Variants in OGDH observed in about 807,000 individuals in gnomAD.
OGDH encodes 2-oxoglutarate dehydrogenase complex component E1.
In OGDH, 38 loss-of-function variants were observed where a neutral mutation model predicts 116.6. The ratio of observed to expected loss-of-function variants is 0.33; its 90% CI spans 0.25 to 0.43. The LOEUF (loss-of-function observed/expected upper bound fraction) is 0.43. OGDH is among the 20% of genes least tolerant of loss of function. OGDH has a pLI of 1.00. For missense variants in OGDH, 825 were observed against 1,357.2 expected (o/e 0.61, Z 6.16); for synonymous variants, 488 against 533.3 (o/e 0.92, Z 1.17).
At chr7:44,645,552 G>A (rs1287526421) in intron 3 of OGDH, 34 bp downstream of exon 3, 1 of 1,604,394 alleles carries the variant, frequency 6.2e-7, no homozygotes, top group Non-Finnish European at 8.5e-7. Flanking sequence ...CACGGGAAAG[G>A]GTGCAGTGTT....
At chr7:44,650,964 C>G (rs1356187930) in intron 4 of OGDH, among the ~76,000 whole-genome samples, 1 of 152,238 alleles carries the variant, frequency 6.6e-6, no homozygotes, top group Non-Finnish European at 1.5e-5. Flanking sequence ...TTCTCCCTCT[C>G]CTTGGGGAAA....
intron 2 of OGDH, among the ~76,000 whole-genome samples, chr7:44,638,551 G>A (rs530073591): frequency 6.6e-6 from 1 of 152,300 alleles, no homozygotes; most frequent in East Asian, 1.9e-4. Context: ...AGAAGTCACT[G>A]CCCCTGCCTA....
intron 3 of OGDH, among the ~76,000 whole-genome samples, chr7:44,646,406 C>A (rs1786183026): frequency 6.6e-6 from 1 of 152,230 alleles, no homozygotes; most frequent in African/African-American, 2.4e-5. Context: ...TAGGGGAGGT[C>A]CTGGGTCTCT....
Position 44,707,921 on chromosome 7 carries a change from CAAG to C in OGDH, c.2999_3001del (p.Lys1000del). On this transcript the variant is annotated inframe_deletion, in exon 23 of 23. Coordinates refer to ENST00000222673, the MANE Select transcript of OGDH (RefSeq NM_002541.4). This position sits in a 1 kb window ranked among gnomAD's most constrained non-coding sequence, Gnocchi z 5.2. The stretch of plus-strand genomic sequence containing the variant: ...CAGCGGCTGCTCCAGCCACCGGCAA[CAAG>C]AAGACCCACCTGACGGAGCTGCAGC... 1 of 1,613,916 alleles carries C rather than the reference CAAG, an allele frequency of 6.2e-7. No homozygotes were observed. The highest frequency in any genetic ancestry group is 8.5e-7 in the Non-Finnish European group (1 of 1,180,020).
intron 9 of OGDH, among the ~76,000 whole-genome samples, chr7:44,677,010 G>A (rs545374879): frequency 4.6e-5 from 7 of 152,284 alleles, no homozygotes; most frequent in African/African-American, 1.4e-4. Flanking sequence ...ATGTGACTGA[G>A]TGTTGGGGGT....
chr7:44,611,305 G>GGCTGGAGT (rs1414426096), intron 1 of OGDH, among the ~76,000 whole-genome samples: 10 of 151,880 alleles, frequency 6.6e-5, no homozygotes, highest in Admixed American at 2.6e-4. Context: ...CTGTCGCCCA[G>GGCTGGAGT]GCTGGAGTGC....
chr7:44,609,981 A>G (rs1784500202), intron 1 of OGDH, among the ~76,000 whole-genome samples: 1 of 151,996 alleles, frequency 6.6e-6, no homozygotes. Context: ...CCATCTGTCT[A>G]TTCTCTCTTT....
chr7:44,701,448 G>A, intron 19 of OGDH, 95 bp from the exon 20 acceptor site: 1 of 1,037,342 alleles, frequency 9.6e-7, no homozygotes, highest in East Asian at 2.5e-5. Context: ...GTGTTTCATG[G>A]CCTGAAGGTC....
At chr7:44,650,846 T>C (rs1238299535) in intron 4 of OGDH, among the ~76,000 whole-genome samples, 4 of 152,062 alleles carry the variant, frequency 2.6e-5, no homozygotes, top group Admixed American at 2.0e-4. Context: ...GGTCAGGGAC[T>C]GTTGTGTAGT....
chr7:44,615,128 G>A (rs575870826), intron 1 of OGDH, among the ~76,000 whole-genome samples: 9 of 152,180 alleles, frequency 5.9e-5, no homozygotes, highest in Non-Finnish European at 1.3e-4. Flanking sequence ...ACCATGCCCG[G>A]ACAAGATTAT....
At chr7:44,647,080 C>T (rs1287478916) in intron 3 of OGDH, among the ~76,000 whole-genome samples, 2 of 152,180 alleles carry the variant, frequency 1.3e-5, no homozygotes, top group Non-Finnish European at 2.9e-5. Flanking sequence ...TGCCACTGTA[C>T]CCAGCACCTT....
intron 2 of OGDH, among the ~76,000 whole-genome samples, chr7:44,640,773 C>T (rs1785894573): frequency 6.6e-6 from 1 of 152,076 alleles, no homozygotes; most frequent in Admixed American, 6.6e-5. Flanking sequence ...TGTTGTGGCC[C>T]CAGGGAACTA....
intron 4 of OGDH, among the ~76,000 whole-genome samples, chr7:44,653,524 T>G (rs1355760188): frequency 1.3e-5 from 2 of 152,170 alleles, no homozygotes; most frequent in African/African-American, 4.8e-5. Flanking sequence ...TTTACTGGGT[T>G]TTTTGTTGTT....
At position 44,696,024 on chromosome 7, in the gene OGDH, G is replaced by A; in HGVS notation, c.1669-1G>A. The A allele has an allele frequency of 6.3e-7, 1 of 1,584,874 alleles. No homozygotes were observed. The highest frequency in any genetic ancestry group is 8.7e-7 in the Non-Finnish European group (1 of 1,153,674). ...ACGCTGTGTTGTGCCCAACCCTCCA[G>A]GAGGAAATTTCCAAGTATGATAAGA... On this transcript the variant is annotated splice_acceptor_variant, in intron 12 of 22. Transcript: ENST00000222673. LOFTEE classifies it high-confidence loss of function.
chr7:44,637,811 T>C (rs1785739975), intron 2 of OGDH, among the ~76,000 whole-genome samples: 1 of 150,186 alleles, frequency 6.7e-6, no homozygotes, highest in Non-Finnish European at 1.5e-5. Context: ...AGAGCCAGAC[T>C]CTGTCTCAAA....
At chr7:44,665,637 G>A (rs902867135) in intron 4 of OGDH, among the ~76,000 whole-genome samples, 1 of 152,102 alleles carries the variant, frequency 6.6e-6, no homozygotes, top group African/African-American at 2.4e-5. Context: ...GTCTTAATTT[G>A]GCCAGGAAAC....
At chr7:44,705,253 C>T (rs531362972) in intron 20 of OGDH, among the ~76,000 whole-genome samples, 21 of 146,380 alleles carry the variant, frequency 1.4e-4, no homozygotes, top group South Asian at 1.3e-3. Context: ...GGGGTTTCAC[C>T]GTTTTAGCCG....
At chr7:44,644,271 C>T (rs183382801) in intron 2 of OGDH, among the ~76,000 whole-genome samples, 1 of 152,302 alleles carries the variant, frequency 6.6e-6, no homozygotes, top group East Asian at 1.9e-4. Context: ...TTTGTGAAGT[C>T]TTAGTATGTC....
At chr7:44,623,794 C>T (rs190473486) in intron 1 of OGDH, among the ~76,000 whole-genome samples, 20 of 152,262 alleles carry the variant, frequency 1.3e-4, no homozygotes, top group African/African-American at 4.6e-4. Flanking sequence ...TACAGGCATG[C>T]ACCACCACAC....
Sources: allele counts gnomAD v4.1 joint callset (sites outside exome capture counted in the v4.1 genomes callset), GRCh38; gene constraint gnomAD v4.1.1; non-coding constraint Gnocchi (gnomAD v3.1); transcripts MANE v1.5; gene names NCBI Gene and HGNC (gene_info 2026-07-23, HGNC 2026-07-21).